GRK5: variants seen among roughly 807,000 people sequenced by gnomAD.
GRK5 encodes the protein G protein-coupled receptor kinase 5, also known as g protein-coupled receptor kinase GRK5.
GRK5 carries 40 observed loss-of-function variants against 78.4 expected under a neutral mutation model. The observed-to-expected ratio is 0.51, with a 90% CI of 0.40 to 0.66. The LOEUF (loss-of-function observed/expected upper bound fraction) is 0.66. Among genes scored for constraint, GRK5 ranks in the 30% least tolerant of loss-of-function variants. GRK5 has a pLI of 0.00. For synonymous variants in GRK5, 289 were observed against 296.8 expected, an observed-to-expected ratio of 0.97 and a Z score of 0.27; for missense variants, 598 against 759.9, an observed-to-expected ratio of 0.79 and a Z score of 2.50.
At position 119,361,094 on chromosome 10, in the gene GRK5, C is replaced by T. The variant is rs117087471; in HGVS notation, c.149-19721C>T. ...ACCTGGACGCAGATCCCAGCTCCTC[C>T]GCTGATGCACTGTGACCTTGGGCAA... On this transcript the variant is annotated intron_variant, in intron 2 of 15. Coordinates refer to ENST00000392870, the MANE Select transcript of GRK5 (RefSeq NM_005308.3). 5.5e-3 allele frequency among the ~76,000 whole-genome samples: 837 copies of T among 152,308 alleles called. 3 individuals carry two copies. Among genetic ancestry groups the T allele is most frequent in the Non-Finnish European group, 8.4e-3 (571 of 68,020 alleles).
chr10:119,244,691 A>G (rs1180011475), intron 1 of GRK5, among the ~76,000 whole-genome samples: 1 of 152,198 alleles, frequency 6.6e-6, no homozygotes, highest in Non-Finnish European at 1.5e-5. Context: ...CTGTGATTGC[A>G]ATACTGCACT....
rs1853300496 is a variant in GRK5, at chr10:119,452,172, C to A, written c.1405-499C>A. Among the ~76,000 whole-genome samples the A allele has an allele frequency of 6.6e-6, 1 of 152,238 alleles. No homozygotes were observed. Among genetic ancestry groups the A allele is most frequent in the Admixed American group, 6.5e-5 (1 of 15,290 alleles). On this transcript the variant is annotated intron_variant, in intron 13 of 15. Coordinates refer to ENST00000392870, the MANE Select transcript of GRK5 (RefSeq NM_005308.3). The surrounding 1 kb of genome is among the most constrained non-coding windows in gnomAD (Gnocchi z 4.4). The stretch of plus-strand genomic sequence containing the variant: ...TCGGTGGCCAGCACTGACAGCAGCC[C>A]CATCGCCCAGGTGCCTCGTTGTCCC...
intron 1 of GRK5, among the ~76,000 whole-genome samples, chr10:119,297,968 T>C (rs1399140599): frequency 6.6e-6 from 1 of 152,188 alleles, no homozygotes; most frequent in African/African-American, 2.4e-5. Flanking sequence ...GAAATTCATT[T>C]ATTGCTGGGG....
At chr10:119,249,098 G>A (rs1262748374) in intron 1 of GRK5, among the ~76,000 whole-genome samples, 4 of 152,128 alleles carry the variant, frequency 2.6e-5, no homozygotes, top group African/African-American at 9.6e-5. Context: ...GTGAAACCCC[G>A]TCTTTACTAA....
intron 1 of GRK5, among the ~76,000 whole-genome samples, chr10:119,302,557 G>A (rs929653904): frequency 3.3e-5 from 5 of 152,178 alleles, no homozygotes; most frequent in Non-Finnish European, 7.4e-5. Flanking sequence ...GGAGAGTGGC[G>A]ATTCCTCCCT....
At chr10:119,423,335 C>A in intron 5 of GRK5, 69 bp downstream of exon 5, 2 of 1,084,932 alleles carry the variant, frequency 1.8e-6, no homozygotes, top group Non-Finnish European at 1.4e-6. Context: ...AGCTCTCCAC[C>A]TGACCATACA....
chr10:119,422,663 C>T lies in GRK5; in HGVS notation c.340-503C>T, dbSNP rs188453982. Reference sequence around the variant, plus strand: ...TCGAGGCTGGGCAGGTGTTCATCTTCTCTTTTGCCCTCGGAGGAAAGAAGC... The same window carrying T: ...TCGAGGCTGGGCAGGTGTTCATCTTTTCTTTTGCCCTCGGAGGAAAGAAGC... On this transcript the variant is annotated intron_variant, in intron 4 of 15. Coordinates refer to ENST00000392870, the MANE Select transcript of GRK5 (RefSeq NM_005308.3). Among the ~76,000 whole-genome samples, 1,334 of 152,358 alleles carry T rather than the reference C, an allele frequency of 8.8e-3. 69 individuals are homozygous for T. Among genetic ancestry groups the T allele is most frequent in the Admixed American group, 0.078 (1,195 of 15,306 alleles).
intron 1 of GRK5, among the ~76,000 whole-genome samples, chr10:119,263,174 T>C (rs1007348065): frequency 6.6e-6 from 1 of 151,888 alleles, no homozygotes; most frequent in African/African-American, 2.4e-5. Context: ...ACCCAGCTAG[T>C]TTTTGTATTT....
intron 13 of GRK5, among the ~76,000 whole-genome samples, chr10:119,448,574 C>T (rs1315095374): frequency 6.6e-6 from 1 of 152,234 alleles, no homozygotes; most frequent in Non-Finnish European, 1.5e-5. Context: ...AACACTCATG[C>T]CTCCCACCTG....
chr10:119,417,232 C>A (rs943185544), intron 4 of GRK5, among the ~76,000 whole-genome samples: 6 of 152,188 alleles, frequency 3.9e-5, no homozygotes, highest in African/African-American at 1.4e-4. Context: ...CACGTGCTTC[C>A]CGGATTCAGT....
intron 1 of GRK5, among the ~76,000 whole-genome samples, chr10:119,316,212 C>T (rs553113688): frequency 6.6e-6 from 1 of 152,348 alleles, no homozygotes; most frequent in African/African-American, 2.4e-5. Flanking sequence ...CCTCTCCATA[C>T]AAGGACCAGA....
chr10:119,224,389 A>AT (rs1554896268), intron 1 of GRK5, among the ~76,000 whole-genome samples: 2 of 148,764 alleles, frequency 1.3e-5, no homozygotes, highest in South Asian at 2.2e-4. Context: ...TTATTAATTT[A>AT]TTATTTATTT....
intron 2 of GRK5, among the ~76,000 whole-genome samples, chr10:119,337,762 G>A (rs999333415): frequency 6.6e-6 from 1 of 152,022 alleles, no homozygotes; most frequent in Admixed American, 6.5e-5. Context: ...TGGGATTACA[G>A]GCACCCGCCA....
chr10:119,421,866 G>T (rs899844573), intron 4 of GRK5, among the ~76,000 whole-genome samples: 4 of 152,208 alleles, frequency 2.6e-5, no homozygotes, highest in Admixed American at 1.3e-4. Context: ...TGGACATTCA[G>T]AACCGTGGGG....
chr10:119,275,787 C>T (rs1589716850), intron 1 of GRK5, among the ~76,000 whole-genome samples: 3 of 152,014 alleles, frequency 2.0e-5, no homozygotes, highest in East Asian at 3.9e-4. Flanking sequence ...AAAAATGCAG[C>T]GTTTGGAGGA....
intron 2 of GRK5, among the ~76,000 whole-genome samples, chr10:119,328,109 G>T (rs969805309): frequency 6.6e-6 from 1 of 152,224 alleles, no homozygotes; most frequent in Non-Finnish European, 1.5e-5. Flanking sequence ...TGGTGCCCTC[G>T]TCGGGAGACC....
intron 1 of GRK5, among the ~76,000 whole-genome samples, chr10:119,283,734 T>C (rs911356877): frequency 2.0e-5 from 3 of 152,204 alleles, no homozygotes; most frequent in Non-Finnish European, 4.4e-5. Flanking sequence ...GATGGGACCA[T>C]GAGCCCCACT....
At chr10:119,250,811 G>T (rs1849187183) in intron 1 of GRK5, among the ~76,000 whole-genome samples, 1 of 152,170 alleles carries the variant, frequency 6.6e-6, no homozygotes, top group South Asian at 2.1e-4. Flanking sequence ...AATAGAGTAT[G>T]TTACTATATT....
intron 1 of GRK5, among the ~76,000 whole-genome samples, chr10:119,243,534 A>T (rs1029438543): frequency 2.1e-4 from 32 of 151,526 alleles, no homozygotes; most frequent in African/African-American, 7.0e-4. Context: ...GGATTTCTGG[A>T]TCCAAGGATT....
Sources: allele counts gnomAD v4.1 joint callset (sites outside exome capture counted in the v4.1 genomes callset), GRCh38; gene constraint gnomAD v4.1.1; non-coding constraint Gnocchi (gnomAD v3.1); transcripts MANE v1.5; gene names NCBI Gene and HGNC (gene_info 2026-07-23, HGNC 2026-07-21).